GPR21: variants seen among roughly 807,000 people sequenced by gnomAD.
GPR21 encodes the protein G protein-coupled receptor 21.
Under a neutral mutation model 21.5 loss-of-function variants are expected in GPR21, and 9 were observed. The ratio of observed to expected loss-of-function variants is 0.42; its 90% CI spans 0.25 to 0.73. The LOEUF (loss-of-function observed/expected upper bound fraction) is 0.73. Among genes scored for constraint, GPR21 ranks in the 30% least tolerant of loss-of-function variants. The pLI, the probability that GPR21 is intolerant of heterozygous loss-of-function variation, is 0.27. For missense variants in GPR21, 416 were observed against 428.9 expected (o/e 0.97, Z 0.27); for synonymous variants, 169 against 159.3 (o/e 1.06, Z -0.46).
rs1486862027 is a variant in GPR21, at chr9:123,034,291, C to A, written c.-276C>A. 9 of 475,114 alleles carry A rather than the reference C, an allele frequency of 1.9e-5. No homozygotes were observed. The highest frequency in any genetic ancestry group is 3.3e-5 in the Non-Finnish European group (9 of 272,060). 29.4% of individuals were successfully genotyped at this position (475,114 alleles called of 1,614,324 possible). A position where few individuals can be genotyped will look rare whatever the true frequency, so the allele number is the denominator to read the frequency against. The stretch of plus-strand genomic sequence containing the variant: ...CGTTCTCCCCAGAGTTTACCTTGCT[C>A]CCCTGGTGCTATGTGTATGGTGAAC... On this transcript the variant is annotated 5_prime_UTR_variant, in exon 2 of 2. Coordinates refer to ENST00000616002, the MANE Select transcript of GPR21 (RefSeq NM_005294.3).
chr9:123,034,588 A>C lies in GPR21; in HGVS notation c.22A>C (p.Asn8His), dbSNP rs2032506163. ...CAAGATGAACTCCACCTTGGATGGT[A>C]ATCAGAGCAGCCACCCTTTTTGCCT... MNSTLDGNQSSHPFCLLA... is the reference protein window; with the variant it reads MNSTLDGHQSSHPFCLLA... The change falls in exon 2 of 2, where the codon AAT becomes CAT. Residue 8 changes from asparagine to histidine, a missense_variant. Physicochemically the swap from Asn to His is moderately conservative, Grantham distance 68 (BLOSUM62 1). Coordinates refer to ENST00000616002, the MANE Select transcript of GPR21 (RefSeq NM_005294.3). 3.7e-6 allele frequency: 6 copies of C among 1,607,442 alleles called. No homozygotes were observed. Among genetic ancestry groups the C allele is most frequent in the Non-Finnish European group, 4.2e-6 (5 of 1,176,532 alleles).
At chr9:123,043,555 G>A in the GPR21 span, among the ~76,000 whole-genome samples, 34 of 151,988 alleles carry the variant, frequency 2.2e-4, no homozygotes, top group African/African-American at 8.2e-4. Context: ...ATTCAGTTAT[G>A]TGTTGCTGTG....
chr9:123,038,819 G>A (rs531613521), downstream of GPR21, among the ~76,000 whole-genome samples: 8 of 151,794 alleles, frequency 5.3e-5, no homozygotes, highest in East Asian at 1.4e-3. Flanking sequence ...GGCTGTAAAC[G>A]AGTCATTTGG....
chr9:123,043,903 T>TC, the GPR21 span, among the ~76,000 whole-genome samples: 1 of 147,824 alleles, frequency 6.8e-6, no homozygotes, highest in Non-Finnish European at 1.5e-5. Flanking sequence ...TTATTTTCTT[T>TC]TTTTTTTTTT....
chr9:123,044,647 GTGTGTGTA>G, the GPR21 span, among the ~76,000 whole-genome samples: 2 of 152,012 alleles, frequency 1.3e-5, no homozygotes, highest in Non-Finnish European at 1.5e-5. Flanking sequence ...GTGTGTGTGT[GTGTGTGTA>G]TGTGTATGTA....
the GPR21 span, among the ~76,000 whole-genome samples, chr9:123,046,214 A>G: frequency 7.2e-5 from 11 of 152,236 alleles, no homozygotes; most frequent in African/African-American, 2.7e-4. Context: ...GATGTACTTC[A>G]TCAAGGGAAT....
chr9:123,041,191 G>T, the GPR21 span, among the ~76,000 whole-genome samples: 4 of 152,206 alleles, frequency 2.6e-5, no homozygotes, highest in East Asian at 1.9e-4. Context: ...AAGAGCTAGT[G>T]ACTGTTATTA....
downstream of GPR21, among the ~76,000 whole-genome samples, chr9:123,036,578 G>A (rs111922224): frequency 5.7e-4 from 86 of 152,132 alleles, no homozygotes; most frequent in African/African-American, 2.0e-3. Flanking sequence ...GAAGGGTGTC[G>A]GTCATAAGCA....
rs374152354 is a variant in GPR21, at chr9:123,034,820, C to T, written c.254C>T (p.Pro85Leu). 1 of 1,614,026 alleles carries T rather than the reference C, an allele frequency of 6.2e-7. No individual in the cohort carries two copies. Among genetic ancestry groups the T allele is most frequent in the Non-Finnish European group, 8.5e-7 (1 of 1,179,940 alleles). ...DLFVGVSCVV[P>L]SLSLLHHPLP... Reference sequence around the variant, plus strand: ...TTTGTTGGGGTGAGCTGCGTGGTCCCTTCTTTATCACTCCTCCATCACCCC... The same window carrying T: ...TTTGTTGGGGTGAGCTGCGTGGTCCTTTCTTTATCACTCCTCCATCACCCC... Residue 85 changes from proline (P) to leucine (L), a missense_variant, in exon 2 of 2, where the codon CCT becomes CTT. Coordinates refer to ENST00000616002, the MANE Select transcript of GPR21 (RefSeq NM_005294.3).
chr9:123,046,791 A>G, the GPR21 span, among the ~76,000 whole-genome samples: 1 of 152,204 alleles, frequency 6.6e-6, no homozygotes, highest in East Asian at 1.9e-4. Flanking sequence ...ATACATGGCT[A>G]AGGGATTTAA....
downstream of GPR21, among the ~76,000 whole-genome samples, chr9:123,040,408 G>C (rs2032895883): frequency 6.6e-6 from 1 of 152,190 alleles, no homozygotes; most frequent in Non-Finnish European, 1.5e-5. Context: ...TGGAATCTCA[G>C]AACATGGTTC....
the GPR21 span, among the ~76,000 whole-genome samples, chr9:123,044,835 C>T: frequency 1.3e-5 from 2 of 152,056 alleles, no homozygotes; most frequent in Admixed American, 6.6e-5. Flanking sequence ...AGTAGAATTC[C>T]TATAGTCTGA....
chr9:123,041,064 A>G, the GPR21 span, among the ~76,000 whole-genome samples: 1 of 152,214 alleles, frequency 6.6e-6, no homozygotes, highest in African/African-American at 2.4e-5. Flanking sequence ...GGGTGGGCAC[A>G]TGTGTATGTG....
Position 123,034,845 on chromosome 9 carries a change from C to G in GPR21, c.279C>G (p.Pro93=), listed in dbSNP as rs1387776060. The G allele has an allele frequency of 3.1e-6, 5 of 1,614,064 alleles. No individual in the cohort carries two copies. Among genetic ancestry groups the G allele is most frequent in the African/African-American group, 1.3e-5 (1 of 75,020 alleles). Residue 93 remains proline, a synonymous_variant, in exon 2 of 2, where the codon CCC becomes CCG. Transcript: ENST00000616002. ...CTTCTTTATCACTCCTCCATCACCC[C>G]CTTCCAGTAGAGGAGTCCTTGACTT... The part of the protein sequence containing the change: ...VVPSLSLLHH[P]LPVEESLTCQ...
chr9:123,043,884 G>A, the GPR21 span, among the ~76,000 whole-genome samples: 1 of 151,304 alleles, frequency 6.6e-6, no homozygotes, highest in East Asian at 1.9e-4. Flanking sequence ...TTTCACTTAC[G>A]TAGGTGTATT....
chr9:123,034,367 C>T lies in GPR21; in HGVS notation c.-200C>T, dbSNP rs1264897695. Reference sequence around the variant, plus strand: ...TGGCCAGACAACTGCTGCTGGCTCTCCTTATTCCAGGAAGGATTTAAAGGG... The same window carrying T: ...TGGCCAGACAACTGCTGCTGGCTCTTCTTATTCCAGGAAGGATTTAAAGGG... On this transcript the variant is annotated 5_prime_UTR_variant, in exon 2 of 2. Transcript: ENST00000616002. 3 of 577,262 alleles carry T rather than the reference C, an allele frequency of 5.2e-6. No individual in the cohort carries two copies. The highest frequency in any genetic ancestry group is 2.8e-5 in the East Asian group (1 of 35,172). 35.8% of individuals were successfully genotyped at this position (577,262 alleles called of 1,614,324 possible). A position where few individuals can be genotyped will look rare whatever the true frequency, so the allele number is the denominator to read the frequency against.
chr9:123,044,838 T>C, the GPR21 span, among the ~76,000 whole-genome samples: 1 of 152,146 alleles, frequency 6.6e-6, no homozygotes, highest in South Asian at 2.1e-4. Context: ...AGAATTCCTA[T>C]AGTCTGATTC....
At chr9:123,045,219 A>G in the GPR21 span, among the ~76,000 whole-genome samples, 3 of 152,226 alleles carry the variant, frequency 2.0e-5, no homozygotes. Flanking sequence ...CAAAAGTTAT[A>G]GCATTTAAAT....
rs762536237 is a variant in GPR21 at position 123,035,591 on chromosome 9, G to A, written c.1025G>A (p.Gly342Asp). 6.3e-7 allele frequency: 1 copy of A among 1,597,774 alleles called. No individual in the cohort carries two copies. Among genetic ancestry groups the A allele is most frequent in the Admixed American group, 1.7e-5 (1 of 58,012 alleles). ...GACCCTTACACAGTTAGAAGCAAAG[G>A]CCCTCTTAATGGATGTCATATCTGA... ...ANDPYTVRSK[G>D]PLNGCHI Residue 342 changes from glycine (G) to aspartate (D), a missense_variant, in exon 2 of 2, where the codon GGC (glycine) becomes GAC (aspartate). Physicochemically the swap from Gly to Asp is moderately conservative, Grantham distance 94 (BLOSUM62 -1). Coordinates refer to ENST00000616002, the MANE Select transcript of GPR21 (RefSeq NM_005294.3).
Sources: gnomAD v4.1 joint callset for allele counts (sites outside exome capture counted in the v4.1 genomes callset) on GRCh38, gnomAD v4.1.1 for gene constraint, MANE v1.5 for transcripts, NCBI Gene and HGNC (gene_info 2026-07-23, HGNC 2026-07-21) for gene names.